The following GPC6 variants were observed in gnomAD, a reference collection of about 807,000 sequenced individuals.
GPC6 encodes the protein glypican-6.
A neutral mutation model predicts 55.2 loss-of-function variants in GPC6; 14 were observed. The observed-to-expected ratio is 0.25, with a 90% confidence interval of 0.17 to 0.40. GPC6 has a LOEUF of 0.40. Among genes scored for constraint, GPC6 ranks in the 10% least tolerant of loss-of-function variants. GPC6 has a pLI of 1.00. For synonymous variants in GPC6, 278 were observed against 259.6 expected (o/e 1.07, Z -0.68); for missense variants, 641 against 708.5 (o/e 0.90, Z 1.08).
chr13:93,445,658 G>A (rs181577004), intron 1 of GPC6, among the ~76,000 whole-genome samples: 35 of 152,282 alleles, frequency 2.3e-4, no homozygotes, highest in African/African-American at 7.5e-4. Flanking sequence ...ATTTAATTCT[G>A]TAATGTTATG....
intron 2 of GPC6, among the ~76,000 whole-genome samples, chr13:93,665,710 G>A (rs1272981687): frequency 1.3e-5 from 2 of 152,134 alleles, no homozygotes; most frequent in Non-Finnish European, 1.5e-5. Context: ...AATGGGTTAG[G>A]AAAGCTCATA....
Position 93,285,665 on chromosome 13 carries a change from T to C in GPC6, c.160+58049T>C, listed in dbSNP as rs540116870. ...GTGTGTGTGTGTGTGTGTGTGTGTATGTGTTTGGTGGCAGTCAAACAACAG... is the reference window on the plus strand; with the variant it reads ...GTGTGTGTGTGTGTGTGTGTGTGTACGTGTTTGGTGGCAGTCAAACAACAG... On this transcript the variant is annotated intron_variant, in intron 1 of 8. Coordinates refer to ENST00000377047, the MANE Select transcript of GPC6 (RefSeq NM_005708.5). Among the ~76,000 whole-genome samples, 9 of 140,396 alleles carry C rather than the reference T, an allele frequency of 6.4e-5. No homozygotes were observed. The South Asian group carries it at 2.1e-3, about 33-fold the overall frequency. 92.1% of individuals were successfully genotyped at this position (140,396 alleles called of 152,430 possible).
At chr13:94,396,594 T>C (rs1880907459) in intron 7 of GPC6, among the ~76,000 whole-genome samples, 1 of 152,182 alleles carries the variant, frequency 6.6e-6, no homozygotes, top group Admixed American at 6.5e-5. Flanking sequence ...CTGGGAAATA[T>C]CTTGAGGAGA....
At chr13:93,648,590 A>C (rs967472934) in intron 2 of GPC6, among the ~76,000 whole-genome samples, 3 of 152,224 alleles carry the variant, frequency 2.0e-5, no homozygotes, top group African/African-American at 7.2e-5. Flanking sequence ...CTGCATAGGC[A>C]GTATTGCAGA....
intron 4 of GPC6, among the ~76,000 whole-genome samples, chr13:94,030,158 G>A (rs558529133): frequency 6.6e-6 from 1 of 152,076 alleles, no homozygotes; most frequent in African/African-American, 2.4e-5. Context: ...ACAGGCGCCC[G>A]ACACCACACC....
chr13:94,039,335 A>G (rs1437774652), intron 4 of GPC6, among the ~76,000 whole-genome samples: 1 of 151,968 alleles, frequency 6.6e-6, no homozygotes, highest in African/African-American at 2.4e-5. Flanking sequence ...CAGATGGATG[A>G]GACTTGTGGT....
chr13:94,119,042 A>ATG (rs1886532922), intron 4 of GPC6, among the ~76,000 whole-genome samples: 5 of 151,752 alleles, frequency 3.3e-5, no homozygotes, highest in African/African-American at 1.2e-4. Flanking sequence ...GCATATATGT[A>ATG]TGTGTATATA....
intron 3 of GPC6, among the ~76,000 whole-genome samples, chr13:93,973,115 G>A (rs1023445198): frequency 2.0e-5 from 3 of 152,148 alleles, no homozygotes; most frequent in African/African-American, 4.8e-5. Flanking sequence ...TTGTCCTTGT[G>A]TAAACATCGT....
At chr13:94,339,869 T>TTC (rs1319536420) in intron 6 of GPC6, among the ~76,000 whole-genome samples, 1 of 146,306 alleles carries the variant, frequency 6.8e-6, no homozygotes, top group Non-Finnish European at 1.5e-5. Flanking sequence ...GTTCAAGCAA[T>TTC]TCTCCTGCTT....
chr13:93,676,549 G>A (rs929200083), intron 2 of GPC6, among the ~76,000 whole-genome samples: 3 of 152,114 alleles, frequency 2.0e-5, no homozygotes, highest in Non-Finnish European at 2.9e-5. Flanking sequence ...GGACTGTTGA[G>A]AACTAGAGAG....
chr13:93,759,053 GC>G (rs1884871518), intron 2 of GPC6, among the ~76,000 whole-genome samples: 1 of 151,866 alleles, frequency 6.6e-6, no homozygotes, highest in East Asian at 1.9e-4. Context: ...AATTTAACAG[GC>G]CCCCTTCCAT....
intron 1 of GPC6, among the ~76,000 whole-genome samples, chr13:93,374,325 C>A (rs1469191385): frequency 6.6e-6 from 1 of 152,102 alleles, no homozygotes; most frequent in East Asian, 1.9e-4. Context: ...AATTAGGAGG[C>A]CCGATTAAGA....
At position 94,306,123 on chromosome 13, in the gene GPC6, G is replaced by A. The variant is rs149343030; in HGVS notation, c.1152G>A (p.Leu384=). The A allele has an allele frequency of 6.2e-7, 1 of 1,613,984 alleles. No homozygotes were observed. The highest frequency in any genetic ancestry group is 1.3e-5 in the African/African-American group (1 of 74,884). The part of the protein sequence containing the change: ...TTAAGTSLDR[L]VTDIKEKLKL... ...CTGCAGGCACAAGCTTGGACCGGCT[G>A]GTGAGTATTCACAGATTGATAACCA... The change falls in exon 6 of 9, where the codon CTG becomes CTA. Residue 384 remains leucine, a splice_region_variant and synonymous_variant. Transcript: ENST00000377047.
At chr13:93,917,289 TAGTC>T (rs1432250217) in intron 3 of GPC6, among the ~76,000 whole-genome samples, 1 of 152,158 alleles carries the variant, frequency 6.6e-6, no homozygotes, top group African/African-American at 2.4e-5. Context: ...TATGAAAACT[TAGTC>T]AGAAATTGAA....
At chr13:94,322,750 T>A (rs906917988) in intron 6 of GPC6, among the ~76,000 whole-genome samples, 2 of 152,126 alleles carry the variant, frequency 1.3e-5, no homozygotes, top group African/African-American at 4.8e-5. Flanking sequence ...TGTGGCAGCC[T>A]CAGGTGCTAG....
At chr13:93,944,267 C>A (rs956081160) in intron 3 of GPC6, among the ~76,000 whole-genome samples, 5 of 151,686 alleles carry the variant, frequency 3.3e-5, no homozygotes, top group Non-Finnish European at 7.4e-5. Flanking sequence ...GCAGTGGCGC[C>A]ATCTCGGCTC....
At chr13:93,479,934 A>G (rs1229099421) in intron 1 of GPC6, among the ~76,000 whole-genome samples, 2 of 152,220 alleles carry the variant, frequency 1.3e-5, no homozygotes, top group Non-Finnish European at 2.9e-5. Flanking sequence ...AAACAAATAA[A>G]TGAGACATGC....
chr13:93,224,032 T>C (rs1875690884), upstream of GPC6, among the ~76,000 whole-genome samples: 1 of 150,986 alleles, frequency 6.6e-6, no homozygotes, highest in Admixed American at 6.6e-5. Flanking sequence ...CCTGAGTAGC[T>C]GGGACTGCAG....
intron 6 of GPC6, among the ~76,000 whole-genome samples, chr13:94,377,803 C>A (rs1011847549): frequency 8.5e-5 from 13 of 152,108 alleles, no homozygotes; most frequent in Non-Finnish European, 1.6e-4. Flanking sequence ...ACCCAAATGT[C>A]CAACAATGAT....
Sources: allele counts gnomAD v4.1 joint callset (sites outside exome capture counted in the v4.1 genomes callset), GRCh38; gene constraint gnomAD v4.1.1; transcripts MANE v1.5; gene names NCBI Gene and HGNC (gene_info 2026-07-23, HGNC 2026-07-21).